PPARGC1A: variants seen among roughly 807,000 people sequenced by gnomAD.
PPARGC1A encodes the protein PPARG coactivator 1 alpha.
A neutral mutation model predicts 88.7 loss-of-function variants in PPARGC1A; 25 were observed. The observed-to-expected ratio is 0.28, with a 90% CI of 0.21 to 0.39. The LOEUF is 0.39. Ranked by LOEUF, PPARGC1A falls within the 10% of genes least tolerant of loss-of-function variation. The probability of loss-of-function intolerance (pLI) is 1.00; values close to 1 mark genes in which losing one functional copy is unlikely to be tolerated. For missense variants in PPARGC1A, 880 were observed against 968.7 expected, an observed-to-expected ratio of 0.91 and a Z score of 1.22; for synonymous variants, 363 against 355.6, an observed-to-expected ratio of 1.02 and a Z score of -0.24.
the PPARGC1A span, among the ~76,000 whole-genome samples, chr4:24,427,068 G>T: frequency 2.0e-5 from 3 of 152,152 alleles, no homozygotes; most frequent in Non-Finnish European, 2.9e-5. Flanking sequence ...CAGATAACCT[G>T]TTGGGGAGGA....
intron 2 of PPARGC1A, among the ~76,000 whole-genome samples, chr4:23,857,488 T>C (rs1730408900): frequency 6.6e-6 from 1 of 151,810 alleles, no homozygotes; most frequent in Non-Finnish European, 1.5e-5. Context: ...AGCACTAGTT[T>C]CAATTCATGG....
chr4:23,841,698 C>G (rs888242587), intron 2 of PPARGC1A, among the ~76,000 whole-genome samples: 1 of 152,038 alleles, frequency 6.6e-6, no homozygotes. Context: ...CAATCCCCTT[C>G]AAACAAAACA....
intron 2 of PPARGC1A, among the ~76,000 whole-genome samples, chr4:23,866,847 T>C (rs1400745681): frequency 6.6e-6 from 1 of 152,136 alleles, no homozygotes; most frequent in East Asian, 1.9e-4. Flanking sequence ...CTCTCAGAGA[T>C]ACCGCCCGGG....
the PPARGC1A span, among the ~76,000 whole-genome samples, chr4:24,355,733 C>G: frequency 6.6e-6 from 1 of 152,014 alleles, no homozygotes; most frequent in Non-Finnish European, 1.5e-5. Flanking sequence ...ACAAACCCGC[C>G]GAGAGACAAG....
chr4:24,336,368 A>G, the PPARGC1A span, among the ~76,000 whole-genome samples: 1 of 152,210 alleles, frequency 6.6e-6, no homozygotes, highest in East Asian at 1.9e-4. Context: ...AATTGCACCC[A>G]GCATCTAATT....
the PPARGC1A span, among the ~76,000 whole-genome samples, chr4:24,035,495 G>A: frequency 2.0e-5 from 3 of 151,958 alleles, no homozygotes; most frequent in Admixed American, 6.6e-5. Context: ...GCAGCGAGCC[G>A]AGATCGCGCC....
At chr4:23,845,076 G>A (rs1039925163) in intron 2 of PPARGC1A, among the ~76,000 whole-genome samples, 10 of 151,392 alleles carry the variant, frequency 6.6e-5, no homozygotes, top group Admixed American at 6.6e-5. Flanking sequence ...GGGGGTGATA[G>A]GCAAAATATT....
chr4:23,890,184 A>C, upstream of PPARGC1A: 3 of 833,710 alleles, frequency 3.6e-6, no homozygotes, highest in Non-Finnish European at 4.8e-6. Flanking sequence ...ACGTCACTCA[A>C]AGGCAGCCCT....
chr4:24,002,263 G>A, the PPARGC1A span, among the ~76,000 whole-genome samples: 233 of 152,182 alleles, frequency 1.5e-3, 1 homozygote, highest in African/African-American at 5.4e-3. Flanking sequence ...GAGTAGCTGG[G>A]ATGACAAGCA....
the PPARGC1A span, among the ~76,000 whole-genome samples, chr4:24,183,008 A>C: frequency 6.6e-6 from 1 of 152,194 alleles, no homozygotes; most frequent in African/African-American, 2.4e-5. Flanking sequence ...GCAAAGGAAT[A>C]ACATAGACGA....
the PPARGC1A span, among the ~76,000 whole-genome samples, chr4:24,339,831 C>T: frequency 1.3e-5 from 2 of 152,122 alleles, no homozygotes; most frequent in Non-Finnish European, 2.9e-5. Context: ...GTCCACCTGC[C>T]GGGTTCACTC....
At chr4:23,933,329 A>T in the PPARGC1A span, among the ~76,000 whole-genome samples, 3 of 152,226 alleles carry the variant, frequency 2.0e-5, no homozygotes, top group Admixed American at 2.0e-4. Flanking sequence ...TGTTTTGGAG[A>T]ATAAATGAGA....
chr4:24,165,654 T>C, the PPARGC1A span, among the ~76,000 whole-genome samples: 1 of 152,206 alleles, frequency 6.6e-6, no homozygotes, highest in Non-Finnish European at 1.5e-5. Context: ...TTTTCATTAT[T>C]ATTATATCTG....
At chr4:24,335,746 C>A in the PPARGC1A span, among the ~76,000 whole-genome samples, 1 of 152,242 alleles carries the variant, frequency 6.6e-6, no homozygotes, top group East Asian at 1.9e-4. Flanking sequence ...TCACCCAGGG[C>A]CAAGGCTCCC....
chr4:23,906,319 A>G (rs1201312292), upstream of PPARGC1A, among the ~76,000 whole-genome samples: 1 of 152,058 alleles, frequency 6.6e-6, no homozygotes, highest in East Asian at 1.9e-4. Context: ...TCTTATTATA[A>G]AGATGTTTTC....
At chr4:24,200,382 A>G in the PPARGC1A span, among the ~76,000 whole-genome samples, 7 of 151,978 alleles carry the variant, frequency 4.6e-5, no homozygotes, top group South Asian at 4.2e-4. Context: ...ATGGTGGTGG[A>G]CACCGGTAAT....
chr4:24,003,126 C>A, the PPARGC1A span, among the ~76,000 whole-genome samples: 1 of 152,088 alleles, frequency 6.6e-6, no homozygotes, highest in African/African-American at 2.4e-5. Flanking sequence ...TCTCATTTTC[C>A]AGAAGTGAAA....
At chr4:24,123,274 G>A in the PPARGC1A span, among the ~76,000 whole-genome samples, 3 of 152,128 alleles carry the variant, frequency 2.0e-5, no homozygotes, top group Non-Finnish European at 4.4e-5. Context: ...CTACAGATGG[G>A]ACTGGATGGA....
At chr4:23,944,827 A>G in the PPARGC1A span, among the ~76,000 whole-genome samples, 2 of 152,102 alleles carry the variant, frequency 1.3e-5, no homozygotes, top group African/African-American at 4.8e-5. Context: ...CCATGACTGT[A>G]AGTTTCCTGA....
Sources: allele counts gnomAD v4.1 joint callset (sites outside exome capture counted in the v4.1 genomes callset), GRCh38; gene constraint gnomAD v4.1.1; transcripts MANE v1.5; gene names NCBI Gene and HGNC (gene_info 2026-07-23, HGNC 2026-07-21).